ADGRF5: variants seen among roughly 807,000 people sequenced by gnomAD.
ADGRF5 encodes adhesion G protein-coupled receptor F5.
ADGRF5 carries 75 observed loss-of-function variants against 132.3 expected under a neutral mutation model. That is an observed-to-expected ratio of 0.57 (90% CI 0.47 to 0.69). The LOEUF (loss-of-function observed/expected upper bound fraction) is 0.69. ADGRF5 is among the 30% of genes least tolerant of loss of function. The pLI is 0.00. For synonymous variants in ADGRF5, 629 were observed against 597.6 expected, an observed-to-expected ratio of 1.05 and a Z score of -0.77; for missense variants, 1,516 against 1,630.6, an observed-to-expected ratio of 0.93 and a Z score of 1.21.
chr6:46,898,479 C>T (rs945097560), intron 3 of ADGRF5, among the ~76,000 whole-genome samples: 9 of 152,002 alleles, frequency 5.9e-5, no homozygotes, highest in African/African-American at 2.2e-4. Context: ...CCATAGGCCA[C>T]TTCAGGGAAG....
chr6:46,939,415 GAC>G (rs1246118285), intron 1 of ADGRF5, among the ~76,000 whole-genome samples: 3 of 152,128 alleles, frequency 2.0e-5, no homozygotes, highest in South Asian at 2.1e-4. Flanking sequence ...GACTTGTGAA[GAC>G]ACACAGTAAA....
In ADGRF5 at chr6:46,858,565, T is replaced by C. The variant is rs767916828; in HGVS notation, c.3338A>G (p.Tyr1113Cys). 4.3e-6 allele frequency: 7 copies of C among 1,613,824 alleles called. No individual in the cohort carries two copies. Among genetic ancestry groups the C allele is most frequent in the Non-Finnish European group, 5.9e-6 (7 of 1,179,896 alleles). Residue 1113 changes from tyrosine (Y) to cysteine (C), a missense_variant, in exon 17 of 21, where the codon TAT becomes TGT. Physicochemically the swap from Tyr to Cys is radical, Grantham distance 194 (BLOSUM62 -2). Around this residue, in one of 2 missense-constraint regions of ADGRF5, gnomAD observed 571 missense variants for 701.2 expected, o/e 0.81. Transcript: ENST00000283296. ...WMLTLGLMLF[Y>C]RLVFILHETS... is the part of the protein sequence containing the mutation. ...TTCATGCAGAATGAAAACCAGGCGA[T>C]AGAACAGCATGAGGCCCAGTGTCAG...
intron 13 of ADGRF5, 79 bp from the exon 14 acceptor site, chr6:46,865,276 G>A: frequency 1.0e-6 from 1 of 966,886 alleles, no homozygotes; most frequent in South Asian, 1.6e-5. Flanking sequence ...AACCTAATAT[G>A]AATAAACCTG....
At chr6:46,928,229 C>A (rs1777353865) in intron 1 of ADGRF5, among the ~76,000 whole-genome samples, 1 of 152,142 alleles carries the variant, frequency 6.6e-6, no homozygotes, top group African/African-American at 2.4e-5. Flanking sequence ...CCTGGGAATT[C>A]CTAAGGATGT....
At chr6:46,889,800 A>G (rs994706339) in intron 3 of ADGRF5, among the ~76,000 whole-genome samples, 4 of 148,094 alleles carry the variant, frequency 2.7e-5, no homozygotes, top group Non-Finnish European at 6.0e-5. Flanking sequence ...ATATATATAT[A>G]CATAGTTTTC....
chr6:46,890,331 G>A (rs1023165053), intron 3 of ADGRF5, among the ~76,000 whole-genome samples: 2 of 151,976 alleles, frequency 1.3e-5, no homozygotes, highest in African/African-American at 4.8e-5. Flanking sequence ...GGGCTCAAGC[G>A]ATCTGCCTGC....
chr6:46,902,987 C>T (rs1374111741), intron 2 of ADGRF5, among the ~76,000 whole-genome samples: 1 of 152,192 alleles, frequency 6.6e-6, no homozygotes, highest in East Asian at 1.9e-4. Flanking sequence ...CATTCACTCC[C>T]TCGAATCCTC....
chr6:46,877,240 T>TTTCTTTCTTTCC (rs1771784459), intron 10 of ADGRF5, among the ~76,000 whole-genome samples: 5 of 28,848 alleles, frequency 1.7e-4, no homozygotes, highest in African/African-American at 1.1e-3. Context: ...TCTTTCTTTC[T>TTTCTTTCTTTCC]TTCTTTCTTT....
At chr6:46,905,079 G>C (rs182856384) in intron 2 of ADGRF5, among the ~76,000 whole-genome samples, 85 of 152,290 alleles carry the variant, frequency 5.6e-4, no homozygotes, top group African/African-American at 1.9e-3. Context: ...GTGACATAGA[G>C]AGAAGGCATT....
chr6:46,859,989 G>C (rs547831636), intron 16 of ADGRF5, among the ~76,000 whole-genome samples: 1 of 152,144 alleles, frequency 6.6e-6, no homozygotes, highest in Non-Finnish European at 1.5e-5. Flanking sequence ...GGCTGAAGCA[G>C]GAGAATTGCT....
chr6:46,911,553 G>T (rs996249315), intron 1 of ADGRF5, among the ~76,000 whole-genome samples: 3 of 152,118 alleles, frequency 2.0e-5, no homozygotes, highest in African/African-American at 7.2e-5. Flanking sequence ...ATCCTTCAAT[G>T]CCCAGGCAAA....
intron 4 of ADGRF5, chr6:46,887,940 A>C (rs1773221771): frequency 6.4e-6 from 1 of 157,324 alleles, no homozygotes; most frequent in South Asian, 1.9e-4. Context: ...TCTGGTACTT[A>C]CTAATATCTT....
chr6:46,862,328 C>G (rs1562147653), intron 15 of ADGRF5, among the ~76,000 whole-genome samples: 1 of 152,088 alleles, frequency 6.6e-6, no homozygotes. Flanking sequence ...TTTACATTGA[C>G]AGAAGGAAAG....
chr6:46,863,411 A>G (rs1770022681), intron 14 of ADGRF5: 1 of 444,998 alleles, frequency 2.2e-6, no homozygotes, highest in Admixed American at 2.8e-5. Context: ...GTCTGGGCTA[A>G]GTAAATCGGA....
chr6:46,864,950 T>C, intron 14 of ADGRF5, 92 bp downstream of exon 14: 1 of 850,640 alleles, frequency 1.2e-6, no homozygotes, highest in East Asian at 2.4e-5. Flanking sequence ...ATTTAACATA[T>C]GTTTATTGAA....
chr6:46,900,215 C>T (rs1047479328), intron 2 of ADGRF5, 132 bp from the exon 3 acceptor site: 16 of 694,688 alleles, frequency 2.3e-5, no homozygotes, highest in African/African-American at 1.4e-4. Context: ...CCATGTGTCC[C>T]GTGGATGCTG....
chr6:46,896,668 G>A (rs551963919), intron 3 of ADGRF5, among the ~76,000 whole-genome samples: 3 of 151,378 alleles, frequency 2.0e-5, no homozygotes, highest in African/African-American at 4.9e-5. Context: ...ATATGTGTGT[G>A]TGTGTGTAAA....
intron 3 of ADGRF5, among the ~76,000 whole-genome samples, chr6:46,898,849 T>G (rs554038983): frequency 1.3e-5 from 2 of 152,264 alleles, no homozygotes; most frequent in South Asian, 4.2e-4. Context: ...TTCTAGATAG[T>G]TGGTACAGAC....
intron 1 of ADGRF5, among the ~76,000 whole-genome samples, chr6:46,933,212 T>C (rs771464105): frequency 6.6e-6 from 1 of 152,220 alleles, no homozygotes; most frequent in Non-Finnish European, 1.5e-5. Flanking sequence ...ACTTGATAGT[T>C]AGCAAGGTCT....
Sources: allele counts gnomAD v4.1 joint callset (sites outside exome capture counted in the v4.1 genomes callset), GRCh38; gene constraint gnomAD v4.1.1; regional missense constraint gnomAD v4.1.1; transcripts MANE v1.5; gene names NCBI Gene and HGNC (gene_info 2026-07-23, HGNC 2026-07-21).